WDFY3: variants seen among roughly 807,000 people sequenced by gnomAD.
The protein encoded by WDFY3 is WD repeat and FYVE domain containing 3.
Under a neutral mutation model 409.6 loss-of-function variants are expected in WDFY3, and 66 were observed. That is an observed-to-expected ratio of 0.16 (90% confidence interval 0.13 to 0.20). The LOEUF (loss-of-function observed/expected upper bound fraction) is 0.20, where lower values mean the gene tolerates loss of function less well. Among genes scored for constraint, WDFY3 ranks in the 10% least tolerant of loss-of-function variants. WDFY3 has a pLI of 1.00. For synonymous variants in WDFY3, 1,521 were observed against 1,537.1 expected (o/e 0.99, Z 0.25); for missense variants, 3,031 against 4,298.1 (o/e 0.71, Z 8.24).
At chr4:84,883,652 C>G (rs1404763975) in intron 3 of WDFY3, among the ~76,000 whole-genome samples, 1 of 152,030 alleles carries the variant, frequency 6.6e-6, no homozygotes, top group African/African-American at 2.4e-5. Flanking sequence ...GCATACCTAG[C>G]TGTTATTTTC....
chr4:84,787,044 G>A (rs559253108), intron 23 of WDFY3, among the ~76,000 whole-genome samples: 1 of 152,282 alleles, frequency 6.6e-6, no homozygotes, highest in African/African-American at 2.4e-5. Flanking sequence ...ATAACAAAAA[G>A]TAGGCTTGGA....
chr4:84,823,155 A>G (rs1754332059), intron 10 of WDFY3, among the ~76,000 whole-genome samples: 1 of 152,160 alleles, frequency 6.6e-6, no homozygotes, highest in Non-Finnish European at 1.5e-5. Flanking sequence ...AGGTACATGG[A>G]TCAATCAAAC....
chr4:84,812,348 T>C (rs1026181139), intron 13 of WDFY3, among the ~76,000 whole-genome samples: 7 of 152,052 alleles, frequency 4.6e-5, no homozygotes, highest in Non-Finnish European at 1.0e-4. Flanking sequence ...TGTATGCGCA[T>C]GCACGCACAC....
chr4:84,723,151 A>G (rs1279359028), intron 46 of WDFY3, among the ~76,000 whole-genome samples: 1 of 152,236 alleles, frequency 6.6e-6, no homozygotes, highest in Non-Finnish European at 1.5e-5. Context: ...ACCCAATTCA[A>G]TAACTATGCT....
At chr4:84,903,285 T>C (rs1270609353) in intron 2 of WDFY3, among the ~76,000 whole-genome samples, 1 of 152,188 alleles carries the variant, frequency 6.6e-6, no homozygotes, top group Non-Finnish European at 1.5e-5. Flanking sequence ...ATATTTTCCA[T>C]AGCAGAGCAT....
chr4:84,797,178 AAAAC>A (rs777734371), intron 18 of WDFY3, among the ~76,000 whole-genome samples: 3 of 152,206 alleles, frequency 2.0e-5, no homozygotes, highest in Non-Finnish European at 4.4e-5. Context: ...TCTTTATTAT[AAAAC>A]AAATTAGAGA....
chr4:84,729,055 G>C (rs533751290), intron 44 of WDFY3, among the ~76,000 whole-genome samples: 2 of 152,108 alleles, frequency 1.3e-5, no homozygotes, highest in African/African-American at 2.4e-5. Flanking sequence ...AACTCTCCTA[G>C]TTAGAAAAGG....
At chr4:84,889,812 T>C (rs1035184309) in intron 3 of WDFY3, among the ~76,000 whole-genome samples, 1 of 152,254 alleles carries the variant, frequency 6.6e-6, no homozygotes, top group East Asian at 1.9e-4. Context: ...CAATGTTTAG[T>C]TATGACATGA....
At chr4:84,937,219 T>A (rs964565128) in intron 1 of WDFY3, among the ~76,000 whole-genome samples, 10 of 152,174 alleles carry the variant, frequency 6.6e-5, no homozygotes, top group African/African-American at 2.4e-4. Flanking sequence ...TCCAAAGGCC[T>A]ATTAGTTCTC....
chr4:84,849,413 A>C (rs1341092873), intron 5 of WDFY3, among the ~76,000 whole-genome samples: 1 of 152,170 alleles, frequency 6.6e-6, no homozygotes, highest in Non-Finnish European at 1.5e-5. Flanking sequence ...AATCATGCTG[A>C]CATTTAGACA....
rs1432558421 is a variant in WDFY3, at chr4:84,705,431, C to G, written c.8298G>C (p.Gln2766His). 1 of 1,613,958 alleles carries G rather than the reference C, an allele frequency of 6.2e-7. No individual in the cohort carries two copies. Among genetic ancestry groups the G allele is most frequent in the Non-Finnish European group, 8.5e-7 (1 of 1,179,962 alleles). Reference sequence around the variant, plus strand: ...CCCAGTCTTTATACCGCTTCTTATACTGAGCTAATCGTTCATCTGTTTGTG... The same window carrying G: ...CCCAGTCTTTATACCGCTTCTTATAGTGAGCTAATCGTTCATCTGTTTGTG... Reference protein sequence around the residue: ...MGAQTDERLAQYKKRYKDWED... With the variant: ...MGAQTDERLAHYKKRYKDWED... Residue 2766 changes from glutamine to histidine, a missense_variant, in exon 54 of 68, where the codon CAG becomes CAC. Gln to His is a conservative substitution (Grantham distance 24). Transcript: ENST00000295888.
chr4:84,843,326 TA>T (rs1287757182), intron 5 of WDFY3, among the ~76,000 whole-genome samples: 4 of 152,174 alleles, frequency 2.6e-5, no homozygotes, highest in African/African-American at 7.2e-5. Context: ...TGTATCACTG[TA>T]AAAAAATAAC....
At chr4:84,891,609 TA>T (rs1470027064) in intron 3 of WDFY3, among the ~76,000 whole-genome samples, 3 of 152,072 alleles carry the variant, frequency 2.0e-5, no homozygotes, top group African/African-American at 7.2e-5. Context: ...AATGCCTAAA[TA>T]ATAATTTGAA....
intron 29 of WDFY3, among the ~76,000 whole-genome samples, chr4:84,773,657 A>G (rs551152442): frequency 5.9e-5 from 9 of 152,370 alleles, no homozygotes; most frequent in African/African-American, 2.2e-4. Context: ...TCTTGACATA[A>G]TGATAATTAT....
chr4:84,838,779 C>T (rs1268747730), intron 6 of WDFY3, among the ~76,000 whole-genome samples: 1 of 152,228 alleles, frequency 6.6e-6, no homozygotes, highest in East Asian at 1.9e-4. Flanking sequence ...TGCTATGTCT[C>T]AAAGTTTACT....
At chr4:84,804,997 A>G (rs1254044243) in intron 15 of WDFY3, among the ~76,000 whole-genome samples, 1 of 152,172 alleles carries the variant, frequency 6.6e-6, no homozygotes, top group African/African-American at 2.4e-5. Context: ...CCAAAATCCA[A>G]AACTTTTTAA....
chr4:84,848,767 A>T (rs1758466250), intron 5 of WDFY3, among the ~76,000 whole-genome samples: 1 of 152,158 alleles, frequency 6.6e-6, no homozygotes, highest in African/African-American at 2.4e-5. Context: ...CGTAAACCAC[A>T]GCTGTGTATT....
Position 84,696,151 on chromosome 4 carries a change from A to G in WDFY3, c.8720T>C (p.Leu2907Pro). 1.2e-6 allele frequency: 2 copies of G among 1,614,172 alleles called. No homozygotes were observed. Among genetic ancestry groups the G allele is most frequent in the Non-Finnish European group, 8.5e-7 (1 of 1,180,020 alleles). Residue 2907 changes from leucine to proline, a missense_variant, in exon 58 of 68, where the codon CTA becomes CCA. Physicochemically the swap from Leu to Pro is moderately conservative, Grantham distance 98. Coordinates refer to ENST00000295888, the MANE Select transcript of WDFY3 (RefSeq NM_014991.6). ...GAAGATTAAGTCAATCCACTCATGT[A>G]GATGGGCACTCACGTAATCACACTC... ...ALECDYVSAH[L>P]HEWIDLIFGY...
intron 13 of WDFY3, among the ~76,000 whole-genome samples, chr4:84,814,476 AAAC>A: frequency 6.6e-6 from 1 of 152,188 alleles, no homozygotes; most frequent in East Asian, 1.9e-4. Context: ...AAAATACCAG[AAAC>A]AACAATTCAA....
Sources: gnomAD v4.1 joint callset for allele counts (sites outside exome capture counted in the v4.1 genomes callset) on GRCh38, gnomAD v4.1.1 for gene constraint, MANE v1.5 for transcripts, NCBI Gene and HGNC (gene_info 2026-07-23, HGNC 2026-07-21) for gene names.